The following DPP6 variants were observed in gnomAD, a reference collection of about 807,000 sequenced individuals.
DPP6 encodes dipeptidyl peptidase like 6, also known as A-type potassium channel modulatory protein DPP6.
A neutral mutation model predicts 122.6 loss-of-function variants in DPP6; 69 were observed. That is an observed-to-expected ratio of 0.56 (90% confidence interval 0.46 to 0.69). The LOEUF is 0.69. DPP6 is among the 30% of genes least tolerant of loss of function. The pLI is 0.00. For missense variants in DPP6, 928 were observed against 1,116.9 expected (o/e 0.83, Z 2.41); for synonymous variants, 418 against 433.1 (o/e 0.97, Z 0.43).
At chr7:153,785,023 G>A in the DPP6 span, among the ~76,000 whole-genome samples, 1 of 152,222 alleles carries the variant, frequency 6.6e-6, no homozygotes, top group Non-Finnish European at 1.5e-5. Flanking sequence ...CATAAATGCA[G>A]CTAACAAATC....
Position 154,789,013 on chromosome 7 carries a change from T to G in DPP6, c.1137-5066T>G, listed in dbSNP as rs139953686. ...AGAATTCTGTTCTCTTTATTTTTAG[T>G]GTGACTTCCCTTTCCTTTATTCTGC... is the stretch of plus-strand genomic sequence containing the variant. On this transcript the variant is annotated intron_variant, in intron 10 of 25. Coordinates refer to ENST00000377770, the MANE Select transcript of DPP6 (RefSeq NM_130797.4). Among the ~76,000 whole-genome samples, 183 of 152,316 alleles carry G rather than the reference T, an allele frequency of 1.2e-3. 2 individuals are homozygous for G. Among genetic ancestry groups the G allele is most frequent in the African/African-American group, 4.1e-3 (172 of 41,546 alleles).
At chr7:154,014,290 T>C (rs1798294637) in intron 1 of DPP6, among the ~76,000 whole-genome samples, 3 of 142,800 alleles carry the variant, frequency 2.1e-5, no homozygotes, top group Admixed American at 7.0e-5. Flanking sequence ...TATAGAAACT[T>C]TCAAATTTAT....
chr7:154,647,117 G>T (rs1196155127), intron 6 of DPP6, among the ~76,000 whole-genome samples: 2 of 152,176 alleles, frequency 1.3e-5, no homozygotes, highest in Non-Finnish European at 2.9e-5. Context: ...AATCACTGGA[G>T]GAAATGAATT....
At position 154,334,906 on chromosome 7, in the gene DPP6, G is replaced by A. The variant is rs965305942; in HGVS notation, c.244-111308G>A. ...GGAAGACTCTGTCTCAAAAGAAAAG[G>A]AACAGAAAAAAAAAATACAACAATG... On this transcript the variant is annotated intron_variant, in intron 1 of 25. Coordinates refer to ENST00000377770, the MANE Select transcript of DPP6 (RefSeq NM_130797.4). Among the ~76,000 whole-genome samples the A allele has an allele frequency of 2.3e-4, 35 of 151,014 alleles. 1 individual carries two copies. The East Asian group carries it at 6.0e-3, about 26-fold the overall frequency.
chr7:154,446,106 T>A, intron 1 of DPP6, 108 bp from the exon 2 acceptor site: 1 of 671,842 alleles, frequency 1.5e-6, no homozygotes, highest in Non-Finnish European at 2.5e-6. Context: ...AGATGCCTCT[T>A]TCACTGTTTT....
intron 3 of DPP6, among the ~76,000 whole-genome samples, chr7:154,524,597 C>T (rs1827255803): frequency 6.6e-6 from 1 of 152,116 alleles, no homozygotes; most frequent in South Asian, 2.1e-4. Flanking sequence ...TGATCCTTCT[C>T]CTGGGCCAGG....
intron 1 of DPP6, among the ~76,000 whole-genome samples, chr7:153,948,449 A>G (rs1802048713): frequency 6.6e-6 from 1 of 152,098 alleles, no homozygotes; most frequent in Non-Finnish European, 1.5e-5. Flanking sequence ...GAAAACCAGC[A>G]AGCCCACACC....
intron 1 of DPP6, among the ~76,000 whole-genome samples, chr7:154,265,503 T>C (rs1437525907): frequency 6.6e-6 from 1 of 152,194 alleles, no homozygotes; most frequent in Non-Finnish European, 1.5e-5. Flanking sequence ...AATACTCCCT[T>C]ACATAATGCA....
chr7:154,544,193 T>A (rs773473373), intron 4 of DPP6, among the ~76,000 whole-genome samples: 1 of 149,826 alleles, frequency 6.7e-6, no homozygotes, highest in South Asian at 2.1e-4. Flanking sequence ...TGATCCTTAT[T>A]ATTTGATAGC....
At position 154,082,846 on chromosome 7, in the gene DPP6, C is replaced by CTTTCTTT. The variant is rs1260484862; in HGVS notation, c.243+29786_243+29787insCTTTTTT. On this transcript the variant is annotated intron_variant, in intron 1 of 25. Coordinates refer to ENST00000377770, the MANE Select transcript of DPP6 (RefSeq NM_130797.4). ...CTGTGTGTGCCTATCTTTTCTTTTT[C>CTTTCTTT]TTTTTTTTTTTTTTTTTTTTGAGAT... 1.3e-3 allele frequency among the ~76,000 whole-genome samples: 135 copies of CTTTCTTT among 106,246 alleles called. 2 individuals carry two copies. The highest frequency in any genetic ancestry group is 2.0e-3 in the South Asian group (6 of 3,000). 69.7% of individuals were successfully genotyped at this position (106,246 alleles called of 152,430 possible). A position where few individuals can be genotyped will look rare whatever the true frequency, so the allele number is the denominator to read the frequency against.
intron 3 of DPP6, among the ~76,000 whole-genome samples, chr7:154,526,014 A>G (rs1827382654): frequency 6.6e-6 from 1 of 152,206 alleles, no homozygotes; most frequent in Admixed American, 6.5e-5. Flanking sequence ...GAGTTTTAAC[A>G]AAACCTAAAA....
At chr7:154,133,344 G>A (rs1309901001) in intron 1 of DPP6, among the ~76,000 whole-genome samples, 1 of 152,144 alleles carries the variant, frequency 6.6e-6, no homozygotes, top group Non-Finnish European at 1.5e-5. Context: ...ATTAGTCAAT[G>A]TGAGGGTGGC....
chr7:154,449,595 C>T (rs763442528), intron 2 of DPP6, among the ~76,000 whole-genome samples: 56 of 151,932 alleles, frequency 3.7e-4, no homozygotes, highest in Admixed American at 1.0e-3. Context: ...TATAGACTCA[C>T]GAAAACTGGA....
intron 18 of DPP6, among the ~76,000 whole-genome samples, chr7:154,871,854 C>T (rs73728628): frequency 0.072 from 10,953 of 152,276 alleles, 1,287 homozygotes; most frequent in African/African-American, 0.24. Context: ...TTAACATCAA[C>T]AAATAAATTC....
At chr7:154,277,086 T>C (rs925671192) in intron 1 of DPP6, among the ~76,000 whole-genome samples, 1 of 152,176 alleles carries the variant, frequency 6.6e-6, no homozygotes, top group Admixed American at 6.5e-5. Context: ...TTGTTTATAG[T>C]ATGAGCTAAA....
chr7:154,036,025 T>C (rs1299415821), intron 1 of DPP6, among the ~76,000 whole-genome samples: 4,154 of 100,520 alleles, frequency 0.041, 263 homozygotes, highest in African/African-American at 0.19. Context: ...CGCGCTTGTG[T>C]GTGTGTGTGT....
chr7:154,611,770 A>G (rs1490400086), intron 5 of DPP6, among the ~76,000 whole-genome samples: 4 of 152,124 alleles, frequency 2.6e-5, no homozygotes, highest in Non-Finnish European at 1.5e-5. Context: ...TAAAGTTAAC[A>G]TCTTGCACAA....
chr7:154,294,640 C>A (rs756589630), intron 1 of DPP6, among the ~76,000 whole-genome samples: 1 of 152,208 alleles, frequency 6.6e-6, no homozygotes, highest in African/African-American at 2.4e-5. Context: ...TGACTCCAAT[C>A]CTGTTGCTAA....
intron 1 of DPP6, among the ~76,000 whole-genome samples, chr7:153,946,223 A>G (rs981877514): frequency 3.9e-5 from 6 of 152,174 alleles, no homozygotes; most frequent in African/African-American, 1.4e-4. Context: ...AAACAAAAGA[A>G]TGGCTACTCC....
Sources: gnomAD v4.1 joint callset for allele counts (sites outside exome capture counted in the v4.1 genomes callset) on GRCh38, gnomAD v4.1.1 for gene constraint, MANE v1.5 for transcripts, NCBI Gene and HGNC (gene_info 2026-07-23, HGNC 2026-07-21) for gene names.